The following SIM2 variants were observed in gnomAD, a reference collection of about 807,000 sequenced individuals.
SIM2 encodes the protein SIM bHLH transcription factor 2.
A neutral mutation model predicts 64.8 loss-of-function variants in SIM2; 28 were observed. The ratio of observed to expected loss-of-function variants is 0.43; its 90% CI spans 0.32 to 0.59. SIM2 has a LOEUF of 0.59. Among genes scored for constraint, SIM2 ranks in the 20% least tolerant of loss-of-function variants. The probability of loss-of-function intolerance (pLI) is 0.07; values close to 1 mark genes in which losing one functional copy is unlikely to be tolerated. For missense variants in SIM2, 847 were observed against 871.4 expected, an observed-to-expected ratio of 0.97 and a Z score of 0.35; for synonymous variants, 408 against 391.1, an observed-to-expected ratio of 1.04 and a Z score of -0.51.
At chr21:36,734,476 T>C (rs1275368743) in intron 7 of SIM2, among the ~76,000 whole-genome samples, 1 of 152,176 alleles carries the variant, frequency 6.6e-6, no homozygotes, top group African/African-American at 2.4e-5. Flanking sequence ...GTCCTGTGAC[T>C]CTGACCTTAG....
At chr21:36,701,979 A>G (rs1601681628) in intron 1 of SIM2, among the ~76,000 whole-genome samples, 1 of 152,254 alleles carries the variant, frequency 6.6e-6, no homozygotes, top group South Asian at 2.1e-4. Flanking sequence ...AATGATTTCA[A>G]TTAAACCAGA....
intron 4 of SIM2, 114 bp downstream of exon 4, chr21:36,720,043 G>A (rs1601695569): frequency 1.4e-6 from 1 of 727,712 alleles, no homozygotes; most frequent in East Asian, 2.5e-5. Flanking sequence ...GACTAGGACT[G>A]CCCAGCCCAG....
intron 1 of SIM2, chr21:36,701,359 T>A (rs1295451470): frequency 6.6e-6 from 1 of 152,442 alleles, no homozygotes. Context: ...AAGCCTGTTA[T>A]TTGTGCTGGC....
At position 36,745,872 on chromosome 21, in the gene SIM2, C is replaced by T. The variant is rs976895596; in HGVS notation, c.1576+736C>T. 1 of 1,301,922 alleles carries T rather than the reference C, an allele frequency of 7.7e-7. No individual in the cohort carries two copies. Among genetic ancestry groups the T allele is most frequent in the African/African-American group, 1.5e-5 (1 of 65,828 alleles). 80.6% of individuals were successfully genotyped at this position (1,301,922 alleles called of 1,614,324 possible). ...ACTCCTGTTTGCTCGCTGGACCAAC[C>T]CCAGGCAGAAGGTGGAAGGTGGGAA... is the stretch of plus-strand genomic sequence containing the variant. On this transcript the variant is annotated intron_variant, in intron 10 of 10. Transcript: ENST00000290399. The surrounding 1 kb of genome is among the most constrained non-coding windows in gnomAD (Gnocchi z 4.8).
chr21:36,747,858 C>T lies in SIM2; in HGVS notation c.1770C>T (p.Gly590=), dbSNP rs2089252704. Reference sequence around the variant, plus strand: ...CGCCCCCGACCCCCGAGGCCCCGGGCGCGCCGGCGCAGCTGCCCTTCGTGC... The same window carrying T: ...CGCCCCCGACCCCCGAGGCCCCGGGTGCGCCGGCGCAGCTGCCCTTCGTGC... ...CCAPPTPEAP[G]APAQLPFVLL... The change falls in exon 11 of 11, where the codon GGC becomes GGT. Residue 590 remains glycine, a synonymous_variant. Coordinates refer to ENST00000290399, the MANE Select transcript of SIM2 (RefSeq NM_005069.6). The surrounding 1 kb of genome is among the most constrained non-coding windows in gnomAD (Gnocchi z 4.5). 7 of 1,041,348 alleles carry T rather than the reference C, an allele frequency of 6.7e-6. No individual in the cohort carries two copies. The South Asian group carries it at 1.8e-4, about 26-fold the overall frequency. 64.5% of individuals were successfully genotyped at this position (1,041,348 alleles called of 1,614,324 possible).
chr21:36,730,341 T>G (rs2088949934), intron 6 of SIM2, among the ~76,000 whole-genome samples: 1 of 152,234 alleles, frequency 6.6e-6, no homozygotes, highest in Non-Finnish European at 1.5e-5. Context: ...TGGATAGCCT[T>G]GGAAACATCA....
chr21:36,723,539 T>C (rs2088851937), intron 5 of SIM2, among the ~76,000 whole-genome samples: 1 of 152,216 alleles, frequency 6.6e-6, no homozygotes, highest in Admixed American at 6.5e-5. Context: ...CTGCCGCCGA[T>C]GACGGTGTGC....
intron 7 of SIM2, among the ~76,000 whole-genome samples, chr21:36,740,051 G>GAAAGAAA (rs1030817964): frequency 7.3e-6 from 1 of 136,722 alleles, no homozygotes; most frequent in African/African-American, 2.6e-5. Context: ...AAGAAAGAAA[G>GAAAGAAA]AAAGAAAGAG....
chr21:36,723,928 C>G (rs1334112144), intron 5 of SIM2, among the ~76,000 whole-genome samples: 2 of 152,336 alleles, frequency 1.3e-5, no homozygotes, highest in East Asian at 3.9e-4. Flanking sequence ...GCTCCTTACC[C>G]TCCTCCCAGG....
At chr21:36,702,087 G>A (rs920870728) in intron 1 of SIM2, among the ~76,000 whole-genome samples, 8 of 152,300 alleles carry the variant, frequency 5.3e-5, no homozygotes, top group South Asian at 2.1e-4. Context: ...GAAGTGGTGG[G>A]TGTACCGCTC....
intron 1 of SIM2, among the ~76,000 whole-genome samples, chr21:36,706,147 G>T (rs2088577467): frequency 6.6e-6 from 1 of 152,254 alleles, no homozygotes; most frequent in Non-Finnish European, 1.5e-5. Flanking sequence ...AGGAGGGATC[G>T]CTTGGAGGCC....
chr21:36,747,858 C>A lies in SIM2; in HGVS notation c.1770C>A (p.Gly590=). The change falls in exon 11 of 11, where the codon GGC becomes GGA. Residue 590 remains glycine (G), a synonymous_variant. Transcript: ENST00000290399. This position sits in a 1 kb window ranked among gnomAD's most constrained non-coding sequence, Gnocchi z 4.5. ...CGCCCCCGACCCCCGAGGCCCCGGG[C>A]GCGCCGGCGCAGCTGCCCTTCGTGC... The part of the protein sequence containing the change: ...CCAPPTPEAP[G]APAQLPFVLL... The A allele has an allele frequency of 9.6e-7, 1 of 1,041,454 alleles. No homozygotes were observed. The highest frequency in any genetic ancestry group is 1.2e-6 in the Non-Finnish European group (1 of 863,954). 64.5% of individuals were successfully genotyped at this position (1,041,454 alleles called of 1,614,324 possible).
At chr21:36,702,199 C>A (rs935674710) in intron 1 of SIM2, among the ~76,000 whole-genome samples, 1 of 152,170 alleles carries the variant, frequency 6.6e-6, no homozygotes, top group African/African-American at 2.4e-5. Context: ...GGGGGTGGTC[C>A]TTCTGGGGGT....
At chr21:36,742,086 G>C (rs1263532130) in intron 8 of SIM2, among the ~76,000 whole-genome samples, 2 of 151,822 alleles carry the variant, frequency 1.3e-5, no homozygotes, top group Non-Finnish European at 2.9e-5. Flanking sequence ...TAGGCTGCAG[G>C]GGGAGCCAGG....
intron 1 of SIM2, 135 bp from the exon 2 acceptor site, chr21:36,709,033 C>T (rs2088631873): frequency 4.3e-6 from 3 of 697,210 alleles, no homozygotes; most frequent in Admixed American, 6.2e-5. Context: ...GCTGCGGAGC[C>T]GGGGAGGCGG....
chr21:36,714,872 T>C (rs904160638), intron 3 of SIM2, among the ~76,000 whole-genome samples: 2 of 152,180 alleles, frequency 1.3e-5, no homozygotes, highest in African/African-American at 4.8e-5. Context: ...CGGAAGGAAA[T>C]CCAGGCAGCC....
chr21:36,725,981 G>A (rs905634731), intron 5 of SIM2, 138 bp from the exon 6 acceptor site: 5 of 668,930 alleles, frequency 7.5e-6, no homozygotes, highest in Non-Finnish European at 1.3e-5. Flanking sequence ...ACCGGTGCCT[G>A]TCAGCACATT....
At position 36,748,244 on chromosome 21, in the gene SIM2, G is replaced by A. The variant is rs2089262400; in HGVS notation, c.*152G>A. The A allele has an allele frequency of 5.0e-6, 2 of 398,616 alleles. No individual in the cohort carries two copies. 24.7% of individuals were successfully genotyped at this position (398,616 alleles called of 1,614,324 possible). On this transcript the variant is annotated 3_prime_UTR_variant, in exon 11 of 11. Coordinates refer to ENST00000290399, the MANE Select transcript of SIM2 (RefSeq NM_005069.6). ...CCGACTTGCGGATTTCCACCGCGGA[G>A]GCCCCGCGCGCCGGTGCCGAGGGCC...
At position 36,745,263 on chromosome 21, in the gene SIM2, C is replaced by T. The variant is rs76502794; in HGVS notation, c.1576+127C>T. 1,177 of 1,464,646 alleles carry T rather than the reference C, an allele frequency of 8.0e-4. 11 individuals carry two copies. In the African/African-American group the frequency reaches 0.014, roughly 18 times the overall value. 90.7% of individuals were successfully genotyped at this position (1,464,646 alleles called of 1,614,324 possible). On this transcript the variant is annotated intron_variant, in intron 10 of 10. Coordinates refer to ENST00000290399, the MANE Select transcript of SIM2 (RefSeq NM_005069.6). This position sits in a 1 kb window ranked among gnomAD's most constrained non-coding sequence, Gnocchi z 4.8. ...TTTGGGCAAACTTGCCCTCTTTCTG[C>T]TTCTAAGTAGGGCTTGCTGTGCTTT...
Sources: allele counts gnomAD v4.1 joint callset (sites outside exome capture counted in the v4.1 genomes callset), GRCh38; gene constraint gnomAD v4.1.1; non-coding constraint Gnocchi (gnomAD v3.1); transcripts MANE v1.5; gene names NCBI Gene and HGNC (gene_info 2026-07-23, HGNC 2026-07-21).